XXYLT1: variants seen among roughly 807,000 people sequenced by gnomAD.
XXYLT1 encodes the protein xyloside xylosyltransferase 1.
Under a neutral mutation model 28.9 loss-of-function variants are expected in XXYLT1, and 20 were observed. The ratio of observed to expected loss-of-function variants is 0.69; its 90% CI spans 0.49 to 1.00. The LOEUF (loss-of-function observed/expected upper bound fraction) is 1.00, where lower values mean the gene tolerates loss of function less well. XXYLT1 is among the 50% of genes least tolerant of loss of function. XXYLT1 has a pLI of 0.00. For synonymous variants in XXYLT1, 257 were observed against 253.8 expected (o/e 1.01, Z -0.12); for missense variants, 542 against 560.1 (o/e 0.97, Z 0.33).
At chr3:195,103,060 A>G (rs545291325) in intron 3 of XXYLT1, among the ~76,000 whole-genome samples, 11 of 152,274 alleles carry the variant, frequency 7.2e-5, no homozygotes, top group South Asian at 2.1e-4. Context: ...CCAGATTTTT[A>G]TATGTCTAAG....
At chr3:195,110,545 G>GGT (rs761573003) in intron 3 of XXYLT1, among the ~76,000 whole-genome samples, 4 of 14,056 alleles carry the variant, frequency 2.8e-4, no homozygotes, top group African/African-American at 5.1e-4. Flanking sequence ...GCGTGTGTGT[G>GGT]GTGTGTGTGT....
intron 3 of XXYLT1, among the ~76,000 whole-genome samples, chr3:195,155,270 T>C (rs912793613): frequency 6.6e-6 from 1 of 152,216 alleles, no homozygotes; most frequent in Non-Finnish European, 1.5e-5. Flanking sequence ...ACTAGTTGCC[T>C]GTACTCTGCA....
In XXYLT1 at chr3:195,115,180, G is replaced by A. The variant is rs1404663873; in HGVS notation, c.785+41269C>T. Among the ~76,000 whole-genome samples, 3 of 152,230 alleles carry A rather than the reference G, an allele frequency of 2.0e-5. No homozygotes were observed. Among genetic ancestry groups the A allele is most frequent in the African/African-American group, 4.8e-5 (2 of 41,452 alleles). On this transcript the variant is annotated intron_variant, in intron 3 of 3. Transcript: ENST00000310380. This position sits in a 1 kb window ranked among gnomAD's most constrained non-coding sequence, Gnocchi z 4.2. ...GACTCGGGAACTAGTGTGCTCACAT[G>A]AGACGTGCCCGGTGAGAATGTGGCT...
chr3:195,078,654 G>A lies in XXYLT1; in HGVS notation c.786-8543C>T, dbSNP rs1470437724. On this transcript the variant is annotated intron_variant, in intron 3 of 3. Transcript: ENST00000310380. The surrounding 1 kb of genome is among the most constrained non-coding windows in gnomAD (Gnocchi z 5.0). ...TCAAACACTTGGATCTGGACAGAATGACACCCAGACAGTACCTCAGTACCC... is the reference window on the plus strand; with the variant it reads ...TCAAACACTTGGATCTGGACAGAATAACACCCAGACAGTACCTCAGTACCC... Among the ~76,000 whole-genome samples the A allele has an allele frequency of 2.6e-5, 4 of 152,014 alleles. No homozygotes were observed. Among genetic ancestry groups the A allele is most frequent in the Non-Finnish European group, 4.4e-5 (3 of 67,996 alleles).
chr3:195,208,944 C>T (rs910103201), intron 2 of XXYLT1, among the ~76,000 whole-genome samples: 1 of 152,196 alleles, frequency 6.6e-6, no homozygotes, highest in African/African-American at 2.4e-5. Flanking sequence ...TCCTAGGTGC[C>T]GTGAATTCTC....
Position 195,126,806 on chromosome 3 carries a change from A to G in XXYLT1, c.785+29643T>C, listed in dbSNP as rs146707908. Among the ~76,000 whole-genome samples, 23 of 152,314 alleles carry G rather than the reference A, an allele frequency of 1.5e-4. 2 individuals carry two copies. The East Asian group carries it at 4.0e-3, about 27-fold the overall frequency. ...GGAGGGAGCAAAGGCACAGCCTCCC[A>G]GGGGCCCTCTGCTCTGACCTGGCTG... On this transcript the variant is annotated intron_variant, in intron 3 of 3. Coordinates refer to ENST00000310380, the MANE Select transcript of XXYLT1 (RefSeq NM_152531.5).
intron 3 of XXYLT1, chr3:195,096,175 A>C (rs1716431479): frequency 6.6e-6 from 1 of 152,238 alleles, no homozygotes; most frequent in Admixed American, 6.5e-5. Flanking sequence ...TAAGCAGAAA[A>C]GTACACTGTC....
chr3:195,246,482 G>A (rs535883538), intron 1 of XXYLT1, among the ~76,000 whole-genome samples: 42 of 152,298 alleles, frequency 2.8e-4, no homozygotes, highest in African/African-American at 8.4e-4. Flanking sequence ...TCAAACACAC[G>A]GGCCTTCCAG....
intron 3 of XXYLT1, among the ~76,000 whole-genome samples, chr3:195,142,184 C>T (rs542037278): frequency 2.0e-5 from 3 of 152,326 alleles, no homozygotes; most frequent in South Asian, 2.1e-4. Context: ...TGGTGTCTCC[C>T]GAGGCCTGGG....
At chr3:195,163,422 CCT>C (rs568356018) in intron 2 of XXYLT1, among the ~76,000 whole-genome samples, 97 of 152,316 alleles carry the variant, frequency 6.4e-4, no homozygotes, top group Middle Eastern at 3.4e-3. Context: ...CACACTGTCC[CCT>C]GACACCTGCT....
chr3:195,096,146 A>C (rs1172637165), intron 3 of XXYLT1: 1 of 152,282 alleles, frequency 6.6e-6, no homozygotes, highest in Non-Finnish European at 1.5e-5. Context: ...ACACAGACAA[A>C]AGCAAAGCCC....
intron 2 of XXYLT1, among the ~76,000 whole-genome samples, chr3:195,198,630 A>G (rs1304660976): frequency 6.6e-6 from 1 of 152,228 alleles, no homozygotes; most frequent in Admixed American, 6.5e-5. Context: ...ACAAACTGAT[A>G]GTATTATTTT....
intron 3 of XXYLT1, among the ~76,000 whole-genome samples, chr3:195,126,205 G>A (rs906086259): frequency 1.6e-4 from 24 of 152,318 alleles, no homozygotes; most frequent in African/African-American, 5.8e-4. Flanking sequence ...ACTCAGTGCT[G>A]CGTGAGGCAG....
intron 2 of XXYLT1, among the ~76,000 whole-genome samples, chr3:195,211,752 C>T (rs1242753748): frequency 6.6e-6 from 1 of 152,222 alleles, no homozygotes; most frequent in African/African-American, 2.4e-5. Flanking sequence ...CGATTTCACA[C>T]AGGACGGCCA....
chr3:195,256,405 C>T lies in XXYLT1; in HGVS notation c.504+14150G>A, dbSNP rs1217245474. The T allele has an allele frequency of 2.4e-6, 2 of 845,912 alleles. No individual in the cohort carries two copies. The highest frequency in any genetic ancestry group is 1.8e-5 in the African/African-American group (1 of 54,364). 52.4% of individuals were successfully genotyped at this position (845,912 alleles called of 1,614,324 possible). ...TCATTCCAAGTCCCTCGCCCTCATG[C>T]TCCGCGCAGGCCTGAGGTGCGGCCC... On this transcript the variant is annotated intron_variant, in intron 1 of 3. Transcript: ENST00000310380. The surrounding 1 kb of genome is among the most constrained non-coding windows in gnomAD (Gnocchi z 4.2).
chr3:195,177,289 C>T (rs1035325841), intron 2 of XXYLT1, among the ~76,000 whole-genome samples: 8 of 152,162 alleles, frequency 5.3e-5, no homozygotes, highest in Non-Finnish European at 8.8e-5. Flanking sequence ...CTGTATCTTG[C>T]CCTTTTATCC....
At chr3:195,161,766 C>CCT (rs1014616609) in intron 2 of XXYLT1, among the ~76,000 whole-genome samples, 2 of 151,668 alleles carry the variant, frequency 1.3e-5, no homozygotes, top group Non-Finnish European at 2.9e-5. Flanking sequence ...TCCTGAGGCA[C>CCT]GCCACCATAC....
At chr3:195,159,116 G>A (rs1199066911) in intron 2 of XXYLT1, among the ~76,000 whole-genome samples, 1 of 152,190 alleles carries the variant, frequency 6.6e-6, no homozygotes, top group Non-Finnish European at 1.5e-5. Flanking sequence ...AGGAAGACAT[G>A]AAACCTAAGA....
chr3:195,183,815 C>CGTTGGT (rs1722061063), intron 2 of XXYLT1, among the ~76,000 whole-genome samples: 1 of 152,168 alleles, frequency 6.6e-6, no homozygotes, highest in Non-Finnish European at 1.5e-5. Context: ...AGGACTCTAC[C>CGTTGGT]CCTCAACAGT....
Sources: allele counts gnomAD v4.1 joint callset (sites outside exome capture counted in the v4.1 genomes callset), GRCh38; gene constraint gnomAD v4.1.1; non-coding constraint Gnocchi (gnomAD v3.1); transcripts MANE v1.5; gene names NCBI Gene and HGNC (gene_info 2026-07-23, HGNC 2026-07-21).